The following ARMC6 variants were observed in gnomAD, a reference collection of about 807,000 sequenced individuals.
ARMC6 encodes armadillo repeat containing 6, also known as armadillo repeat-containing protein 6.
A neutral mutation model predicts 49.2 loss-of-function variants in ARMC6; 43 were observed. The observed-to-expected ratio is 0.87, with a 90% CI of 0.69 to 1.13. The LOEUF (loss-of-function observed/expected upper bound fraction) is 1.13, where lower values mean the gene tolerates loss of function less well. Ranked by LOEUF, ARMC6 falls within the 50% of genes most tolerant of loss-of-function variation. The probability of loss-of-function intolerance (pLI) is 0.00; values close to 1 mark genes in which losing one functional copy is unlikely to be tolerated. For synonymous variants in ARMC6, 262 were observed against 289.6 expected (o/e 0.90, Z 0.97); for missense variants, 627 against 682.0 (o/e 0.92, Z 0.90).
At chr19:19,033,983 T>G (rs1599620301) in intron 1 of ARMC6, 53 bp downstream of exon 1, 2 of 526,494 alleles carry the variant, frequency 3.8e-6, no homozygotes, top group Non-Finnish European at 3.4e-6. Context: ...GGAGTGGGGG[T>G]GCCGCAGGGT....
chr19:19,051,670 G>T lies in ARMC6; in HGVS notation c.328G>T (p.Val110Leu). 6.2e-7 allele frequency: 1 copy of T among 1,613,090 alleles called. No individual in the cohort carries two copies. The highest frequency in any genetic ancestry group is 8.5e-7 in the Non-Finnish European group (1 of 1,179,600). ...TGTGGCCAGCTCTCGCCCCCAGGAG[G>T]TGTCAGCATACCTCACCCGCTTCTG... ...ESVASSRPQE[V>L]SAYLTRFCDQ... The change falls in exon 5 of 9, where the codon GTG (valine) becomes TTG (leucine). Residue 110 changes from valine to leucine, a missense_variant. Coordinates refer to ENST00000535612, the MANE Select transcript of ARMC6 (RefSeq NM_001199196.2).
intron 2 of ARMC6, among the ~76,000 whole-genome samples, chr19:19,035,271 G>C (rs138506787): frequency 6.6e-6 from 1 of 152,180 alleles, no homozygotes; most frequent in Non-Finnish European, 1.5e-5. Context: ...CTCCCAAAGC[G>C]CTGGGATTAT....
chr19:19,057,535 T>TGAGGACGTGGCC lies in ARMC6; in HGVS notation c.1414_1425dup (p.Glu472_Ala475dup), dbSNP rs1415114918. 6.2e-7 allele frequency: 1 copy of TGAGGACGTGGCC among 1,613,454 alleles called. No homozygotes were observed. Among genetic ancestry groups the TGAGGACGTGGCC allele is most frequent in the African/African-American group, 1.3e-5 (1 of 74,788 alleles). ...AGGCCCGATCTGCCCACCGTGACTG[T>TGAGGACGTGGCC]GAGGACGTGGCCAAGGCCGCCCTGC... On this transcript the variant is annotated inframe_insertion, in exon 9 of 9. Coordinates refer to ENST00000535612, the MANE Select transcript of ARMC6 (RefSeq NM_001199196.2).
Position 19,045,260 on chromosome 19 carries a change from G to A in ARMC6, c.279+1186G>A, listed in dbSNP as rs563634177. On this transcript the variant is annotated intron_variant, in intron 4 of 8. Transcript: ENST00000535612. Reference sequence around the variant, plus strand: ...ACTCCTGACCTCAGGTTATCTGCCCGCGTTGGCCTCCCAAAGTGCCGGGAT... The same window carrying A: ...ACTCCTGACCTCAGGTTATCTGCCCACGTTGGCCTCCCAAAGTGCCGGGAT... Among the ~76,000 whole-genome samples, 38 of 152,166 alleles carry A rather than the reference G, an allele frequency of 2.5e-4. 1 individual carries two copies. The South Asian group carries it at 6.8e-3, about 27-fold the overall frequency.
intron 2 of ARMC6, among the ~76,000 whole-genome samples, chr19:19,039,961 A>G (rs1223688515): frequency 2.6e-5 from 4 of 152,200 alleles, no homozygotes; most frequent in African/African-American, 9.7e-5. Flanking sequence ...CTCGTCACAC[A>G]TGGCTATTTA....
At chr19:19,035,237 C>T (rs961184363) in intron 2 of ARMC6, among the ~76,000 whole-genome samples, 8 of 152,064 alleles carry the variant, frequency 5.3e-5, no homozygotes, top group Non-Finnish European at 1.0e-4. Flanking sequence ...AACTCCTGAC[C>T]TCAAGTGATC....
chr19:19,034,148 C>CCTG lies in ARMC6; in HGVS notation c.-57_-55dup. ...TCATTCAGCACCTGTGCACTGAGTGCCTGCTGCGTGTCGGGCCCCGTCCTA... is the reference window on the plus strand; with the variant it reads ...TCATTCAGCACCTGTGCACTGAGTGCCTGCTGCTGCGTGTCGGGCCCCGTCCTA... On this transcript the variant is annotated 5_prime_UTR_variant, in exon 2 of 9. Coordinates refer to ENST00000535612, the MANE Select transcript of ARMC6 (RefSeq NM_001199196.2). The CCTG allele has an allele frequency of 1.7e-6, 2 of 1,157,328 alleles. No individual in the cohort carries two copies. Among genetic ancestry groups the CCTG allele is most frequent in the South Asian group, 2.5e-5 (2 of 79,208 alleles). 71.7% of individuals were successfully genotyped at this position (1,157,328 alleles called of 1,614,324 possible). A position where few individuals can be genotyped will look rare whatever the true frequency, so the allele number is the denominator to read the frequency against.
At position 19,051,830 on chromosome 19, in the gene ARMC6, C is replaced by T. The variant is rs1322766163; in HGVS notation, c.488C>T (p.Ser163Leu). The T allele has an allele frequency of 2.8e-5, 45 of 1,613,960 alleles. No homozygotes were observed. In the Admixed American group the frequency reaches 6.0e-4, roughly 22 times the overall value. Residue 163 changes from serine to leucine, a missense_variant, in exon 5 of 9, where the codon TCG (serine) becomes TTG (leucine). Transcript: ENST00000535612. ...GLLLQSLNAL[S>L]VLTDGQPDLL... ...CTGCTCCAGTCCCTCAATGCCCTGT[C>T]GGTGCTGACTGATGGACAGCCAGAC...
At chr19:19,036,984 G>A (rs1451794144) in intron 2 of ARMC6, among the ~76,000 whole-genome samples, 1 of 151,970 alleles carries the variant, frequency 6.6e-6, no homozygotes, top group Non-Finnish European at 1.5e-5. Flanking sequence ...TCAGGAGTTC[G>A]AGACTAGCCT....
intron 6 of ARMC6, 136 bp downstream of exon 6, chr19:19,054,457 G>A: frequency 2.1e-6 from 2 of 947,006 alleles, no homozygotes; most frequent in Non-Finnish European, 2.9e-6. Context: ...GGACCCAAGG[G>A]CAGGAACCAA....
At chr19:19,040,899 A>AGCTTCCTT (rs1193145142) in intron 2 of ARMC6, 1 of 233,304 alleles carries the variant, frequency 4.3e-6, no homozygotes, top group Non-Finnish European at 9.1e-6. Flanking sequence ...AGGGTTTGGA[A>AGCTTCCTT]GCTTCCTTGC....
At position 19,033,911 on chromosome 19, in the gene ARMC6, C is replaced by T. The variant is rs2059300117; in HGVS notation, c.-99C>T. 1 of 410,082 alleles carries T rather than the reference C, an allele frequency of 2.4e-6. No individual in the cohort carries two copies. Among genetic ancestry groups the T allele is most frequent in the Admixed American group, 4.1e-5 (1 of 24,426 alleles). 25.4% of individuals were successfully genotyped at this position (410,082 alleles called of 1,614,324 possible). On this transcript the variant is annotated 5_prime_UTR_variant, in exon 1 of 9. Transcript: ENST00000535612. ...GACAACCGCGCGCCCCACCTTTCCC[C>T]ACGTGGCCGCGAAGACCGGGTGAGA...
intron 4 of ARMC6, among the ~76,000 whole-genome samples, chr19:19,048,956 T>C (rs1470702647): frequency 6.6e-6 from 1 of 152,106 alleles, no homozygotes; most frequent in Admixed American, 6.6e-5. Context: ...AAATGAGACA[T>C]ATTTGACCGC....
intron 2 of ARMC6, among the ~76,000 whole-genome samples, chr19:19,037,031 C>G (rs778537937): frequency 6.6e-6 from 1 of 151,890 alleles, no homozygotes. Context: ...ACTAAAAATA[C>G]GAAAATTAGC....
At chr19:19,057,179 A>G (rs572466316) in intron 8 of ARMC6, among the ~76,000 whole-genome samples, 15 of 152,376 alleles carry the variant, frequency 9.8e-5, no homozygotes, top group East Asian at 1.9e-4. Context: ...CCAAAGCCAT[A>G]GGATAGATCC....
chr19:19,054,056 G>A, intron 5 of ARMC6, 96 bp from the exon 6 acceptor site: 2 of 1,323,120 alleles, frequency 1.5e-6, no homozygotes, highest in East Asian at 2.7e-5. Context: ...AGGCAGAAGG[G>A]CTGGACTCTT....
In ARMC6 at chr19:19,055,147, C is replaced by G; in HGVS notation, c.1024-118C>G. The stretch of plus-strand genomic sequence containing the variant: ...CTGCCACCCCTTCTCGTTAGTCACA[C>G]CCTGCAGTCACACCATACCTGTTGG... On this transcript the variant is annotated intron_variant, in intron 6 of 8. Coordinates refer to ENST00000535612, the MANE Select transcript of ARMC6 (RefSeq NM_001199196.2). The surrounding 1 kb of genome is among the most constrained non-coding windows in gnomAD (Gnocchi z 5.7). 1 of 1,331,680 alleles carries G rather than the reference C, an allele frequency of 7.5e-7. No homozygotes were observed. The highest frequency in any genetic ancestry group is 1.0e-6 in the Non-Finnish European group (1 of 997,862). 82.5% of individuals were successfully genotyped at this position (1,331,680 alleles called of 1,614,324 possible). A position where few individuals can be genotyped will look rare whatever the true frequency, so the allele number is the denominator to read the frequency against.
At position 19,055,871 on chromosome 19, in the gene ARMC6, C is replaced by T. The variant is rs142757655; in HGVS notation, c.1236C>T (p.Gly412=). 1.5e-4 allele frequency: 242 copies of T among 1,612,752 alleles called. No homozygotes were observed. Among genetic ancestry groups the T allele is most frequent in the African/African-American group, 2.8e-4 (21 of 75,002 alleles). The change falls in exon 8 of 9, where the codon GGC becomes GGT. Residue 412 remains glycine, a synonymous_variant. Transcript: ENST00000535612. This position sits in a 1 kb window ranked among gnomAD's most constrained non-coding sequence, Gnocchi z 5.7. ...PDNSRIIVEG[G]GAVAALQAMK... is the part of the protein sequence containing the mutation. ...ACAGCCGCATCATCGTGGAGGGTGG[C>T]GGGGCTGTGGCAGCACTGCAGGCCA... is the stretch of plus-strand genomic sequence containing the variant.
chr19:19,040,914 T>G (rs1386850843), intron 2 of ARMC6: 1 of 237,448 alleles, frequency 4.2e-6, no homozygotes, highest in Non-Finnish European at 8.9e-6. Context: ...CCTTGCTTCC[T>G]GGTCTCACAA....
Sources: allele counts gnomAD v4.1 joint callset (sites outside exome capture counted in the v4.1 genomes callset), GRCh38; gene constraint gnomAD v4.1.1; non-coding constraint Gnocchi (gnomAD v3.1); transcripts MANE v1.5; gene names NCBI Gene and HGNC (gene_info 2026-07-23, HGNC 2026-07-21).